Variants in SYNE1 observed in about 807,000 individuals in gnomAD.
SYNE1 encodes the protein nesprin-1.
A neutral mutation model predicts 1,111.0 loss-of-function variants in SYNE1; 616 were observed. The observed-to-expected ratio is 0.55, with a 90% confidence interval of 0.52 to 0.59. SYNE1 has a LOEUF of 0.59. SYNE1 is among the 20% of genes least tolerant of loss of function. SYNE1 has a pLI of 0.00. For synonymous variants in SYNE1, 3,855 were observed against 3,825.8 expected (o/e 1.01, Z -0.28); for missense variants, 10,006 against 10,417.0 (o/e 0.96, Z 1.72).
intron 100 of SYNE1, among the ~76,000 whole-genome samples, chr6:152,265,168 T>C (rs1253937125): frequency 7.3e-6 from 1 of 136,896 alleles, no homozygotes; most frequent in Non-Finnish European, 1.5e-5. Context: ...ATCGCATCAC[T>C]GCACTCCAGC....
intron 3 of SYNE1, among the ~76,000 whole-genome samples, chr6:152,626,629 A>G (rs1583669924): frequency 1.3e-5 from 2 of 152,318 alleles, no homozygotes; most frequent in Admixed American, 6.5e-5. Context: ...AGGATATTTT[A>G]TCTAACAAGG....
At chr6:152,554,324 A>C (rs2099357949) in intron 3 of SYNE1, among the ~76,000 whole-genome samples, 1 of 151,996 alleles carries the variant, frequency 6.6e-6, no homozygotes, top group Non-Finnish European at 1.5e-5. Context: ...ATTTGCTCCT[A>C]TTTCTATTTG....
chr6:152,632,906 T>G (rs186570467), intron 2 of SYNE1, among the ~76,000 whole-genome samples: 30 of 152,272 alleles, frequency 2.0e-4, no homozygotes, highest in African/African-American at 6.7e-4. Context: ...AGCTGCAATA[T>G]GAGAGACGGC....
At chr6:152,376,939 G>A in intron 56 of SYNE1, 27 bp from the exon 57 acceptor site, 8 of 1,612,338 alleles carry the variant, frequency 5.0e-6, no homozygotes, top group Non-Finnish European at 6.8e-6. Flanking sequence ...AGACAAAGAA[G>A]CGAGCACTTA....
intron 101 of SYNE1, among the ~76,000 whole-genome samples, chr6:152,257,748 T>C (rs562863635): frequency 6.6e-6 from 1 of 151,838 alleles, no homozygotes; most frequent in South Asian, 2.1e-4. Context: ...TCAGTACAAC[T>C]AAAAATAAGT....
At chr6:152,529,294 G>T (rs1012803954) in intron 4 of SYNE1, among the ~76,000 whole-genome samples, 21 of 152,096 alleles carry the variant, frequency 1.4e-4, no homozygotes, top group Admixed American at 1.4e-3. Flanking sequence ...CTTTATGCAT[G>T]AACATTTTTT....
intron 49 of SYNE1, among the ~76,000 whole-genome samples, chr6:152,397,877 T>C (rs949087953): frequency 2.0e-5 from 3 of 152,040 alleles, no homozygotes. Flanking sequence ...GGCACACACC[T>C]GTAATCCCAG....
rs2154103329 is a variant in SYNE1, at chr6:152,376,416, T to C, written c.9289A>G (p.Ile3097Val). 1 of 1,614,224 alleles carries C rather than the reference T, an allele frequency of 6.2e-7. No homozygotes were observed. Among genetic ancestry groups the C allele is most frequent in the Non-Finnish European group, 8.5e-7 (1 of 1,180,034 alleles). The change falls in exon 58 of 146, where the codon ATA becomes GTA. Residue 3097 changes from isoleucine (I) to valine (V), a missense_variant. Coordinates refer to ENST00000367255, the MANE Select transcript of SYNE1 (RefSeq NM_182961.4). ...TGAAGACTAGTTGAAACTTCACTTATATTTTGAGGTATATCAAAACACTTG... is the reference window on the plus strand; with the variant it reads ...TGAAGACTAGTTGAAACTTCACTTACATTTTGAGGTATATCAAAACACTTG... The part of the protein sequence containing the change: ...TAKCFDIPQN[I>V]SEVSTSLQKI...
chr6:152,536,001 T>C (rs1360643003), intron 4 of SYNE1, among the ~76,000 whole-genome samples: 2 of 152,032 alleles, frequency 1.3e-5, no homozygotes, highest in African/African-American at 4.8e-5. Context: ...CAAATTTAAG[T>C]CCATGCCACC....
intron 6 of SYNE1, among the ~76,000 whole-genome samples, chr6:152,517,662 A>G (rs181394590): frequency 6.6e-6 from 1 of 152,356 alleles, no homozygotes; most frequent in East Asian, 1.9e-4. Context: ...AAAAATGAGT[A>G]GAGAAATCAC....
chr6:152,466,749 AT>A (rs1176045321), intron 16 of SYNE1, among the ~76,000 whole-genome samples: 1 of 152,084 alleles, frequency 6.6e-6, no homozygotes, highest in Non-Finnish European at 1.5e-5. Flanking sequence ...ATTATTGTTC[AT>A]TTTTAGGAAT....
intron 126 of SYNE1, among the ~76,000 whole-genome samples, chr6:152,205,497 T>C (rs1480367184): frequency 6.6e-6 from 1 of 152,198 alleles, no homozygotes; most frequent in Non-Finnish European, 1.5e-5. Flanking sequence ...GGTCACTTGG[T>C]TTACCATGAT....
chr6:152,428,175 T>G lies in SYNE1; in HGVS notation c.4976+30A>C, dbSNP rs200107831. On this transcript the variant is annotated intron_variant, in intron 37 of 145. Coordinates refer to ENST00000367255, the MANE Select transcript of SYNE1 (RefSeq NM_182961.4). ...TAATCCAGAATTTCCTATTTAGTAGTGCAGCAACTCAAGGAAAAGTGCTGC... is the reference window on the plus strand; with the variant it reads ...TAATCCAGAATTTCCTATTTAGTAGGGCAGCAACTCAAGGAAAAGTGCTGC... The G allele has an allele frequency of 9.4e-5, 152 of 1,610,716 alleles. No individual in the cohort carries two copies. In the South Asian group the frequency reaches 1.3e-3, roughly 14 times the overall value.
rs539568636 is a variant in SYNE1 at position 152,456,113 on chromosome 6, A to T, written c.2569-69T>A. ...GAGTGAGAGAGAAAGAAAGAGAGTG[A>T]CCATTACAGATAATAAGAACAACAT... On this transcript the variant is annotated intron_variant, in intron 22 of 145. Transcript: ENST00000367255. 2.0e-6 allele frequency: 3 copies of T among 1,523,124 alleles called. No individual in the cohort carries two copies. The East Asian group carries it at 6.8e-5, about 34-fold the overall frequency. 94.4% of individuals were successfully genotyped at this position (1,523,124 alleles called of 1,614,324 possible). A position where few individuals can be genotyped will look rare whatever the true frequency, so the allele number is the denominator to read the frequency against.
At chr6:152,628,239 T>A (rs184979633) in intron 3 of SYNE1, 26 bp downstream of exon 3, 1 of 1,613,650 alleles carries the variant, frequency 6.2e-7, no homozygotes, top group African/African-American at 1.3e-5. Context: ...TGAATTTTTT[T>A]AAAACCTGAA....
chr6:152,332,173 C>G (rs987489499), intron 77 of SYNE1, among the ~76,000 whole-genome samples: 1 of 152,064 alleles, frequency 6.6e-6, no homozygotes, highest in African/African-American at 2.4e-5. Flanking sequence ...AGGGTTTCAC[C>G]ATGTTGGTCA....
At chr6:152,260,714 G>A (rs564228116) in intron 101 of SYNE1, among the ~76,000 whole-genome samples, 2 of 152,028 alleles carry the variant, frequency 1.3e-5, no homozygotes, top group Admixed American at 1.3e-4. Flanking sequence ...GGGGGTGGGA[G>A]AGACGGTTTT....
At chr6:152,384,129 T>G (rs748845942) in intron 55 of SYNE1, among the ~76,000 whole-genome samples, 2 of 152,248 alleles carry the variant, frequency 1.3e-5, no homozygotes, top group Non-Finnish European at 2.9e-5. Flanking sequence ...AGACAGGTAC[T>G]ATTTTCATGT....
chr6:152,187,469 G>T (rs2070509770), intron 128 of SYNE1, among the ~76,000 whole-genome samples: 1 of 152,048 alleles, frequency 6.6e-6, no homozygotes, highest in African/African-American at 2.4e-5. Flanking sequence ...AATTGGCAGG[G>T]ACATAAGAGT....
Sources: gnomAD v4.1 joint callset for allele counts (sites outside exome capture counted in the v4.1 genomes callset) on GRCh38, gnomAD v4.1.1 for gene constraint, MANE v1.5 for transcripts, NCBI Gene and HGNC (gene_info 2026-07-23, HGNC 2026-07-21) for gene names.